The following FRMD4A variants were observed in gnomAD, a reference collection of about 807,000 sequenced individuals.
FRMD4A encodes FERM domain containing 4A.
Under a neutral mutation model 129.1 loss-of-function variants are expected in FRMD4A, and 29 were observed. The ratio of observed to expected loss-of-function variants is 0.22; its 90% confidence interval spans 0.17 to 0.31. The LOEUF is 0.31. FRMD4A is among the 10% of genes least tolerant of loss of function. FRMD4A has a pLI of 1.00. For synonymous variants in FRMD4A, 634 were observed against 571.6 expected (o/e 1.11, Z -1.56); for missense variants, 1,272 against 1,375.8 (o/e 0.92, Z 1.19).
intron 3 of FRMD4A, among the ~76,000 whole-genome samples, chr10:13,833,995 C>T (rs1233495102): frequency 3.9e-5 from 6 of 152,062 alleles, no homozygotes; most frequent in East Asian, 1.9e-4. Flanking sequence ...CAGTGGCTCA[C>T]GCCTGTAATC....
chr10:13,710,676 G>A (rs1195122882), intron 12 of FRMD4A: 1 of 152,248 alleles, frequency 6.6e-6, no homozygotes, highest in Non-Finnish European at 1.5e-5. Flanking sequence ...GTGAAGGGAT[G>A]GGTGGTTTTC....
chr10:13,919,472 G>C (rs1040185740), intron 2 of FRMD4A, among the ~76,000 whole-genome samples: 1 of 152,128 alleles, frequency 6.6e-6, no homozygotes, highest in Non-Finnish European at 1.5e-5. Context: ...GGACTTAAGA[G>C]TGTAGAAAAT....
rs1386165417 is a variant in FRMD4A at position 14,184,134 on chromosome 10, T to C, written c.45+145924A>G. 6.3e-4 allele frequency among the ~76,000 whole-genome samples: 83 copies of C among 131,690 alleles called. 1 individual carries two copies. Among genetic ancestry groups the C allele is most frequent in the African/African-American group, 1.5e-3 (51 of 35,088 alleles). The allele number at this position is 131,690 out of a possible 152,430, so 86.4% of individuals were successfully genotyped here. ...GTTTTTCTTTTCTTTTCTTTTTTTT[T>C]TTTTTTTTTTTTTTTGAGAGAGTCT... On this transcript the variant is annotated intron_variant, in intron 2 of 24. Coordinates refer to ENST00000357447, the MANE Select transcript of FRMD4A (RefSeq NM_018027.5).
chr10:14,272,058 G>C (rs1163279956), intron 2 of FRMD4A, among the ~76,000 whole-genome samples: 1 of 151,984 alleles, frequency 6.6e-6, no homozygotes, highest in East Asian at 1.9e-4. Flanking sequence ...AACCTATATT[G>C]ATCAGGTTAG....
chr10:14,113,671 T>C (rs1023676805), intron 2 of FRMD4A, among the ~76,000 whole-genome samples: 6 of 152,158 alleles, frequency 3.9e-5, no homozygotes, highest in African/African-American at 1.4e-4. Flanking sequence ...CAGAAATTAT[T>C]TGTTGCTTAT....
At chr10:14,066,226 C>T (rs1835053369) in intron 2 of FRMD4A, among the ~76,000 whole-genome samples, 1 of 151,750 alleles carries the variant, frequency 6.6e-6, no homozygotes. Context: ...TGTAGAGCTG[C>T]ACCAGGAGTT....
intron 6 of FRMD4A, among the ~76,000 whole-genome samples, chr10:13,763,546 A>G (rs78873893): frequency 0.013 from 2,008 of 152,286 alleles, 80 homozygotes; most frequent in South Asian, 0.12. Flanking sequence ...CAACTGTTAC[A>G]CAGTGTAAGT....
At chr10:14,016,549 G>T (rs1158258901) in intron 2 of FRMD4A, among the ~76,000 whole-genome samples, 1 of 152,172 alleles carries the variant, frequency 6.6e-6, no homozygotes, top group African/African-American at 2.4e-5. Flanking sequence ...AGGCCATCCG[G>T]CTTAGCCACC....
intron 15 of FRMD4A, among the ~76,000 whole-genome samples, chr10:13,687,749 C>G (rs2085231943): frequency 6.6e-6 from 1 of 152,206 alleles, no homozygotes; most frequent in Non-Finnish European, 1.5e-5. Context: ...GAATCCAATG[C>G]ACCCTGCCTG....
chr10:13,959,502 TGTGA>T (rs1368263921), intron 2 of FRMD4A, among the ~76,000 whole-genome samples: 1 of 21,442 alleles, frequency 4.7e-5, no homozygotes, highest in East Asian at 6.5e-3. Flanking sequence ...AAAAAAAAGC[TGTGA>T]GTGATTTTTT....
At chr10:14,219,047 A>C (rs544736239) in intron 2 of FRMD4A, among the ~76,000 whole-genome samples, 4 of 148,290 alleles carry the variant, frequency 2.7e-5, no homozygotes, top group Non-Finnish European at 4.4e-5. Flanking sequence ...GGATAAGAGG[A>C]GGGGCTAGGA....
chr10:14,185,345 C>T (rs533969039), intron 2 of FRMD4A, among the ~76,000 whole-genome samples: 1 of 152,084 alleles, frequency 6.6e-6, no homozygotes, highest in Admixed American at 6.5e-5. Context: ...TCTAGATATC[C>T]ATAGTGAGAG....
At chr10:14,039,317 C>G (rs995917295) in intron 2 of FRMD4A, among the ~76,000 whole-genome samples, 8 of 152,152 alleles carry the variant, frequency 5.3e-5, no homozygotes, top group African/African-American at 1.9e-4. Flanking sequence ...ATTTGCATTT[C>G]TAATTGCTAA....
At chr10:14,087,336 T>C (rs949173461) in intron 2 of FRMD4A, among the ~76,000 whole-genome samples, 3 of 147,422 alleles carry the variant, frequency 2.0e-5, no homozygotes, top group African/African-American at 7.4e-5. Context: ...AATATATAAA[T>C]TATATTTATA....
At chr10:13,994,370 G>C (rs2095615128) in intron 2 of FRMD4A, among the ~76,000 whole-genome samples, 1 of 152,004 alleles carries the variant, frequency 6.6e-6, no homozygotes, top group African/African-American at 2.4e-5. Flanking sequence ...GTAGAGATGG[G>C]GTTTCACCAT....
intron 2 of FRMD4A, among the ~76,000 whole-genome samples, chr10:14,122,986 G>C (rs1442229176): frequency 6.6e-6 from 1 of 152,038 alleles, no homozygotes; most frequent in Non-Finnish European, 1.5e-5. Context: ...TCCTACAGTG[G>C]TATAGAACAC....
chr10:14,206,809 C>CAAAAAAAA (rs57029013), intron 2 of FRMD4A, among the ~76,000 whole-genome samples: 10 of 43,062 alleles, frequency 2.3e-4, no homozygotes, highest in South Asian at 1.5e-3. Flanking sequence ...GACGCTATCT[C>CAAAAAAAA]AAAAAAAAAA....
chr10:13,784,255 G>A (rs1313955371), intron 5 of FRMD4A, among the ~76,000 whole-genome samples: 3 of 152,182 alleles, frequency 2.0e-5, no homozygotes, highest in African/African-American at 4.8e-5. Context: ...CAGTGATGGA[G>A]TCCCCAGCTC....
chr10:13,926,626 C>T (rs1269000132), intron 2 of FRMD4A, among the ~76,000 whole-genome samples: 1 of 152,178 alleles, frequency 6.6e-6, no homozygotes, highest in African/African-American at 2.4e-5. Context: ...GCTGTTGAAA[C>T]AGAGTTTTGA....
Sources: gnomAD v4.1 joint callset for allele counts (sites outside exome capture counted in the v4.1 genomes callset) on GRCh38, gnomAD v4.1.1 for gene constraint, MANE v1.5 for transcripts, NCBI Gene and HGNC (gene_info 2026-07-23, HGNC 2026-07-21) for gene names.